The following PTPRD variants were observed in gnomAD, a reference collection of about 807,000 sequenced individuals.
The protein encoded by PTPRD is protein tyrosine phosphatase receptor type D.
A neutral mutation model predicts 214.5 loss-of-function variants in PTPRD; 34 were observed. That is an observed-to-expected ratio of 0.16 (90% CI 0.12 to 0.21). The LOEUF (loss-of-function observed/expected upper bound fraction) is 0.21, where lower values mean the gene tolerates loss of function less well. Among genes scored for constraint, PTPRD ranks in the 10% least tolerant of loss-of-function variants. The pLI is 1.00. For missense variants in PTPRD, 2,545 were observed against 2,398.7 expected, an observed-to-expected ratio of 1.06 and a Z score of -1.27; for synonymous variants, 1,128 against 845.7, an observed-to-expected ratio of 1.33 and a Z score of -5.79.
In PTPRD at chr9:8,412,917, G is replaced by C. The variant is rs553613401; in HGVS notation, c.4087-8257C>G. ...CATATAATAGAAACTTGACCACTCA[G>C]AAAACTCAGTACATAAGTAGATTCA... On this transcript the variant is annotated intron_variant, in intron 35 of 45. Coordinates refer to ENST00000381196, the MANE Select transcript of PTPRD (RefSeq NM_002839.4). Among the ~76,000 whole-genome samples, 5 of 152,174 alleles carry C rather than the reference G, an allele frequency of 3.3e-5. No homozygotes were observed. The South Asian group carries it at 1.0e-3, about 32-fold the overall frequency.
intron 3 of PTPRD, among the ~76,000 whole-genome samples, chr9:10,135,433 T>A (rs368483951): frequency 2.6e-5 from 4 of 152,124 alleles, no homozygotes; most frequent in Admixed American, 2.6e-4. Flanking sequence ...GTCATCGGAT[T>A]CGCCAAGGTC....
intron 4 of PTPRD, among the ~76,000 whole-genome samples, chr9:9,979,987 A>C (rs2095485402): frequency 6.6e-6 from 1 of 152,220 alleles, no homozygotes; most frequent in Admixed American, 6.5e-5. Flanking sequence ...TTGTATTAAT[A>C]ATCCACATGT....
intron 10 of PTPRD, among the ~76,000 whole-genome samples, chr9:9,132,239 G>A (rs937034887): frequency 2.6e-5 from 4 of 152,130 alleles, no homozygotes; most frequent in African/African-American, 9.7e-5. Context: ...TCGATCTCCT[G>A]ACCTTGTGAT....
Position 10,609,525 on chromosome 9 carries a change from A to G in PTPRD, c.-600+2873T>C, listed in dbSNP as rs192344310. Among the ~76,000 whole-genome samples, 7 of 152,232 alleles carry G rather than the reference A, an allele frequency of 4.6e-5. No homozygotes were observed. The East Asian group carries it at 7.7e-4, about 17-fold the overall frequency. The stretch of plus-strand genomic sequence containing the variant: ...GTCATTCCTAAAATTTTAACATAAT[A>G]TTCTGCTAATTCTTGGATATAACTA... On this transcript the variant is annotated intron_variant, in intron 2 of 45. Coordinates refer to ENST00000381196, the MANE Select transcript of PTPRD (RefSeq NM_002839.4).
rs987441600 is a variant in PTPRD, at chr9:8,389,322, G to C, written c.4296C>G (p.Leu1432=). The C allele has an allele frequency of 1.7e-5, 27 of 1,612,858 alleles. No homozygotes were observed. The highest frequency in any genetic ancestry group is 2.1e-5 in the Non-Finnish European group (25 of 1,179,366). Residue 1432 remains leucine, a synonymous_variant, in exon 37 of 46, where the codon CTC becomes CTG. Coordinates refer to ENST00000381196, the MANE Select transcript of PTPRD (RefSeq NM_002839.4). ...QNAYIATQGS[L]PETFGDFWRM... ...TCCAAAAGTCCCCAAATGTTTCGGG[G>C]AGAGATCCCTGTGTTGCAATATAGG... is the stretch of plus-strand genomic sequence containing the variant.
chr9:8,972,897 G>T (rs2099246993), intron 11 of PTPRD, among the ~76,000 whole-genome samples: 1 of 151,622 alleles, frequency 6.6e-6, no homozygotes, highest in Middle Eastern at 3.4e-3. Flanking sequence ...TAGTTAACTT[G>T]TTTTTGAGTG....
chr9:8,739,188 G>C (rs1047683953), intron 11 of PTPRD, among the ~76,000 whole-genome samples: 3 of 152,194 alleles, frequency 2.0e-5, no homozygotes, highest in Admixed American at 6.5e-5. Context: ...AGAGGCTTCA[G>C]GGGGCACCCC....
At chr9:9,996,753 C>A (rs879386841) in intron 4 of PTPRD, among the ~76,000 whole-genome samples, 4 of 152,108 alleles carry the variant, frequency 2.6e-5, no homozygotes, top group African/African-American at 9.7e-5. Context: ...ATTTCAGTGG[C>A]TTCATACGGC....
intron 9 of PTPRD, among the ~76,000 whole-genome samples, chr9:9,369,907 G>A (rs1300206416): frequency 1.3e-5 from 2 of 152,136 alleles, no homozygotes; most frequent in Non-Finnish European, 2.9e-5. Flanking sequence ...GTTTGTCAAA[G>A]ATCAGATAGT....
intron 10 of PTPRD, among the ~76,000 whole-genome samples, chr9:9,157,648 C>T: frequency 6.6e-6 from 1 of 152,106 alleles, no homozygotes; most frequent in East Asian, 1.9e-4. Flanking sequence ...AAAGAGAAGC[C>T]CAGGACCAGA....
intron 10 of PTPRD, among the ~76,000 whole-genome samples, chr9:9,158,021 A>G (rs2099882788): frequency 6.6e-6 from 1 of 152,130 alleles, no homozygotes; most frequent in Admixed American, 6.5e-5. Context: ...TTCCAAGTCC[A>G]TCCATGTCCC....
At chr9:9,449,794 C>T (rs990196212) in intron 8 of PTPRD, among the ~76,000 whole-genome samples, 2 of 151,582 alleles carry the variant, frequency 1.3e-5, no homozygotes, top group South Asian at 4.2e-4. Flanking sequence ...CATGGATAAG[C>T]TCTTTAGTGG....
intron 12 of PTPRD, among the ~76,000 whole-genome samples, chr9:8,698,276 C>T (rs2097974368): frequency 6.6e-6 from 1 of 152,222 alleles, no homozygotes; most frequent in South Asian, 2.1e-4. Context: ...CTGTCTCTAA[C>T]TGCTGTAGCT....
At chr9:9,418,886 G>C (rs2077779474) in intron 8 of PTPRD, among the ~76,000 whole-genome samples, 1 of 151,908 alleles carries the variant, frequency 6.6e-6, no homozygotes, top group African/African-American at 2.4e-5. Context: ...ATATGTGCTA[G>C]AAAGAAAGGT....
chr9:9,542,538 C>A (rs932805175), intron 8 of PTPRD, among the ~76,000 whole-genome samples: 1 of 151,486 alleles, frequency 6.6e-6, no homozygotes. Context: ...AAGCTACAGA[C>A]TGGAAAAAAA....
At chr9:9,893,201 C>T (rs1173093129) in intron 5 of PTPRD, among the ~76,000 whole-genome samples, 2 of 151,964 alleles carry the variant, frequency 1.3e-5, no homozygotes, top group Non-Finnish European at 2.9e-5. Context: ...AGTGACACTA[C>T]AAAGCAACCA....
intron 3 of PTPRD, among the ~76,000 whole-genome samples, chr9:10,231,117 G>A (rs149221905): frequency 6.6e-6 from 1 of 151,856 alleles, no homozygotes; most frequent in Non-Finnish European, 1.5e-5. Context: ...TAAGTCTTAG[G>A]GATTCCTATA....
At position 8,521,529 on chromosome 9, in the gene PTPRD, T is replaced by G; in HGVS notation, c.709A>C (p.Arg237=). 1 of 1,613,706 alleles carries G rather than the reference T, an allele frequency of 6.2e-7. No homozygotes were observed. Among genetic ancestry groups the G allele is most frequent in the Non-Finnish European group, 8.5e-7 (1 of 1,179,746 alleles). ...TGATTAGTGGGTGGGATAGAGAATC[T>G]TGGTGGGACACGGCGAACTGGAACA... The part of the protein sequence containing the change: ...ELREVRRVPP[R]FSIPPTNHEI... The change falls in exon 20 of 46, where the codon AGA becomes CGA. Residue 237 remains arginine (R), a synonymous_variant. Coordinates refer to ENST00000381196, the MANE Select transcript of PTPRD (RefSeq NM_002839.4).
intron 2 of PTPRD, among the ~76,000 whole-genome samples, chr9:10,527,431 G>C (rs1170625230): frequency 2.6e-5 from 4 of 152,136 alleles, no homozygotes; most frequent in African/African-American, 9.7e-5. Flanking sequence ...CAATGATAAA[G>C]AGGAACTAAG....
Sources: gnomAD v4.1 joint callset for allele counts (sites outside exome capture counted in the v4.1 genomes callset) on GRCh38, gnomAD v4.1.1 for gene constraint, MANE v1.5 for transcripts, NCBI Gene and HGNC (gene_info 2026-07-23, HGNC 2026-07-21) for gene names.